The following ANO7 variants were observed in gnomAD, a reference collection of about 807,000 sequenced individuals.
ANO7 encodes the protein anoctamin-7.
ANO7 carries 114 observed loss-of-function variants against 115.8 expected under a neutral mutation model. The observed-to-expected ratio is 0.98, with a 90% CI of 0.85 to 1.15. The LOEUF (loss-of-function observed/expected upper bound fraction) is 1.15. Among genes scored for constraint, ANO7 ranks in the 50% most tolerant of loss-of-function variants. ANO7 has a pLI of 0.00. For synonymous variants in ANO7, 550 were observed against 498.2 expected (o/e 1.10, Z -1.38); for missense variants, 1,302 against 1,201.2 (o/e 1.08, Z -1.24).
rs2069097762 is a variant in ANO7 at position 241,224,102 on chromosome 2, C to T, written c.2589C>T (p.Ser863=). The T allele has an allele frequency of 1.2e-5, 20 of 1,614,072 alleles. No homozygotes were observed. Among genetic ancestry groups the T allele is most frequent in the Non-Finnish European group, 1.7e-5 (20 of 1,180,014 alleles). Residue 863 remains serine (S), a synonymous_variant, in exon 25 of 25, where the codon AGC becomes AGT. Transcript: ENST00000674324. ...KDEQPEGSEL[S]SHWTPFTVPK... The stretch of plus-strand genomic sequence containing the variant: ...GCCCCCAACCCTCTCCCCAGCTCAG[C>T]TCCCACTGGACACCCTTCACGGTTC...
downstream of ANO7, chr2:241,228,158 A>C (rs2069309941): frequency 6.6e-6 from 1 of 152,314 alleles, no homozygotes; most frequent in South Asian, 2.1e-4. Flanking sequence ...GGGCTGTGAG[A>C]TGGATGGGCG....
At chr2:241,238,698 A>C in the ANO7 span, 3 of 1,589,794 alleles carry the variant, frequency 1.9e-6, no homozygotes, top group Admixed American at 5.1e-5. This position sits in a 1 kb window ranked among gnomAD's most constrained non-coding sequence, Gnocchi z 4.9. Context: ...TGAAATCCCG[A>C]GTAATCTGCT....
Position 241,225,479 on chromosome 2 carries a change from C to T in ANO7, c.*1326C>T, listed in dbSNP as rs1046194762. On this transcript the variant is annotated 3_prime_UTR_variant, in exon 25 of 25. Coordinates refer to ENST00000674324, the MANE Select transcript of ANO7 (RefSeq NM_001370694.2). ...GGCGGAGGTTGTAGTGAGCTGAGAT[C>T]TCAACACTGCACTACAGCCTGGGCG... The T allele has an allele frequency of 9.9e-5, 15 of 152,148 alleles. No individual in the cohort carries two copies. Among genetic ancestry groups the T allele is most frequent in the African/African-American group, 3.6e-4 (15 of 41,412 alleles). 9.4% of individuals were successfully genotyped at this position (152,148 alleles called of 1,614,324 possible). A position where few individuals can be genotyped will look rare whatever the true frequency, so the allele number is the denominator to read the frequency against.
chr2:241,224,151 T>C lies in ANO7; in HGVS notation c.2638T>C (p.Ter880ArgextTer207), dbSNP rs1362404258. The C allele has an allele frequency of 6.3e-7, 1 of 1,599,604 alleles. No homozygotes were observed. ...TVPKASQLQQ[*>R] ...TCCCAAGGCCAGCCAGCTGCAGCAG[T>C]GACGCCTGGAAGGACATCTGGTGGT... Residue 880 changes from the stop codon to arginine (R), a stop_lost, in exon 25 of 25, where the codon TGA becomes CGA. Transcript: ENST00000674324.
At chr2:241,234,991 C>T in the ANO7 span, 1 of 1,099,520 alleles carries the variant, frequency 9.1e-7, no homozygotes, top group South Asian at 1.5e-5. Context: ...CGTCCTGGCA[C>T]TGCCTGCATC....
Position 241,195,689 on chromosome 2 carries a change from C to T in ANO7, c.167-14C>T, listed in dbSNP as rs931956180. ...CTTAGCCAGGCTCCTGCCTCTGTCC[C>T]TGTTGGCTCCCAGCAGACTTCGTCC... is the stretch of plus-strand genomic sequence containing the variant. On this transcript the variant is annotated splice_polypyrimidine_tract_variant and intron_variant, in intron 3 of 24. Transcript: ENST00000674324. The T allele has an allele frequency of 1.9e-6, 3 of 1,613,396 alleles. No homozygotes were observed. The highest frequency in any genetic ancestry group is 2.5e-6 in the Non-Finnish European group (3 of 1,179,752).
At chr2:241,228,252 G>C (rs1179995519), downstream of ANO7, 4 of 152,348 alleles carry the variant, frequency 2.6e-5, no homozygotes, top group Non-Finnish European at 5.9e-5. Flanking sequence ...ACACAGATAA[G>C]GATGTTAAGA....
intron 3 of ANO7, among the ~76,000 whole-genome samples, chr2:241,192,828 G>C (rs1024783262): frequency 6.6e-6 from 1 of 152,084 alleles, no homozygotes; most frequent in Non-Finnish European, 1.5e-5. Context: ...GTCACAAAAG[G>C]ACAAATGTGA....
At position 241,210,469 on chromosome 2, in the gene ANO7, CCT is replaced by C. The variant is rs1172158685; in HGVS notation, c.1464_1465del (p.Arg489HisfsTer86). ...CTCTGACGGCCTGTCTCCCGTTAGGCCTCTCGCATCGCCAGCCTCACGGGGTC... is the reference window on the plus strand; with the variant it reads ...CTCTGACGGCCTGTCTCCCGTTAGGCCTCGCATCGCCAGCCTCACGGGGTC... On this transcript the variant is annotated frameshift_variant and splice_region_variant, in exon 15 of 25. Coordinates refer to ENST00000674324, the MANE Select transcript of ANO7 (RefSeq NM_001370694.2). LOFTEE classifies it high-confidence loss of function. 6.2e-7 allele frequency: 1 copy of C among 1,614,012 alleles called. No individual in the cohort carries two copies. Among genetic ancestry groups the C allele is most frequent in the South Asian group, 1.1e-5 (1 of 91,090 alleles).
chr2:241,223,301 C>A, intron 22 of ANO7, 25 bp downstream of exon 22: 1 of 1,613,402 alleles, frequency 6.2e-7, no homozygotes, highest in Non-Finnish European at 8.5e-7. Flanking sequence ...TGCTGGTTCT[C>A]CCATCCATGG....
At chr2:241,234,014 G>A in the ANO7 span, 1 of 1,602,516 alleles carries the variant, frequency 6.2e-7, no homozygotes, top group Non-Finnish European at 8.5e-7. Context: ...GATCCACCCT[G>A]TGACTCCATT....
chr2:241,216,468 G>A (rs1426383572), intron 19 of ANO7, among the ~76,000 whole-genome samples: 2 of 152,240 alleles, frequency 1.3e-5, no homozygotes, highest in East Asian at 1.9e-4. Context: ...GCACCGGCAC[G>A]GGGAGGAGGC....
At chr2:241,208,053 C>T (rs1466762322) in intron 11 of ANO7, among the ~76,000 whole-genome samples, 1 of 152,118 alleles carries the variant, frequency 6.6e-6, no homozygotes, top group African/African-American at 2.4e-5. Context: ...GGGCGGGAGG[C>T]TCCTGCAGTC....
chr2:241,195,442 A>G lies in ANO7; in HGVS notation c.167-261A>G, dbSNP rs12998792. On this transcript the variant is annotated intron_variant, in intron 3 of 24. Coordinates refer to ENST00000674324, the MANE Select transcript of ANO7 (RefSeq NM_001370694.2). Reference sequence around the variant, plus strand: ...CTGCAGGGATGAGCACCATAGCAGGAATCTCAGAGGGCCATACCCAGCCCC... The same window carrying G: ...CTGCAGGGATGAGCACCATAGCAGGGATCTCAGAGGGCCATACCCAGCCCC... Among the ~76,000 whole-genome samples the G allele has an allele frequency of 0.83, 125,568 of 152,160 alleles. 51,891 individuals carry two copies. The highest frequency in any genetic ancestry group is 0.9 in the East Asian group (4,672 of 5,170).
chr2:241,239,561 C>T, the ANO7 span: 2 of 1,540,180 alleles, frequency 1.3e-6, no homozygotes, highest in Non-Finnish European at 1.8e-6. The surrounding 1 kb of genome is among the most constrained non-coding windows in gnomAD (Gnocchi z 4.6). Flanking sequence ...TGAGTGGCCA[C>T]TGGGGGGTGA....
At chr2:241,226,554 A>G (rs1011891682), downstream of ANO7, among the ~76,000 whole-genome samples, 1 of 151,840 alleles carries the variant, frequency 6.6e-6, no homozygotes, top group Non-Finnish European at 1.5e-5. Flanking sequence ...CCTCCCGAGT[A>G]GCTGGGACTA....
the ANO7 span, chr2:241,235,344 G>A: frequency 6.4e-7 from 1 of 1,560,964 alleles, no homozygotes; most frequent in Admixed American, 1.7e-5. Flanking sequence ...TGGTGAGAGG[G>A]AAGGCCACCC....
the ANO7 span, among the ~76,000 whole-genome samples, chr2:241,234,318 A>C: frequency 1.3e-5 from 2 of 152,214 alleles, no homozygotes; most frequent in Non-Finnish European, 2.9e-5. Context: ...ACGCACAGAA[A>C]TGCTCTGGAT....
At chr2:241,234,904 T>C in the ANO7 span, among the ~76,000 whole-genome samples, 1 of 152,184 alleles carries the variant, frequency 6.6e-6, no homozygotes, top group African/African-American at 2.4e-5. Context: ...AAGTCCAACT[T>C]TGTCACTTTT....
Sources: gnomAD v4.1 joint callset for allele counts (sites outside exome capture counted in the v4.1 genomes callset) on GRCh38, gnomAD v4.1.1 for gene constraint, Gnocchi (gnomAD v3.1) non-coding constraint, MANE v1.5 for transcripts, NCBI Gene and HGNC (gene_info 2026-07-23, HGNC 2026-07-21) for gene names.